The following TTC17 variants were observed in gnomAD, a reference collection of about 807,000 sequenced individuals.
TTC17 encodes tetratricopeptide repeat domain 17.
A neutral mutation model predicts 143.8 loss-of-function variants in TTC17; 58 were observed. The ratio of observed to expected loss-of-function variants is 0.40; its 90% CI spans 0.33 to 0.50. The LOEUF is 0.50. Among genes scored for constraint, TTC17 ranks in the 20% least tolerant of loss-of-function variants. TTC17 has a pLI of 0.49. For synonymous variants in TTC17, 501 were observed against 497.8 expected, an observed-to-expected ratio of 1.01 and a Z score of -0.09; for missense variants, 1,273 against 1,392.5, an observed-to-expected ratio of 0.91 and a Z score of 1.37.
rs189926285 is a variant in TTC17 at position 43,482,870 on chromosome 11, A to G, written c.3031-7369A>G. Among the ~76,000 whole-genome samples, 10 of 152,280 alleles carry G rather than the reference A, an allele frequency of 6.6e-5. No individual in the cohort carries two copies. The East Asian group carries it at 1.3e-3, about 21-fold the overall frequency. On this transcript the variant is annotated intron_variant, in intron 21 of 23. Transcript: ENST00000039989. ...GTTCTGTTACTAGATGTAGAAATCAATGAAATAGAAAACAAAGATATAATA... is the reference window on the plus strand; with the variant it reads ...GTTCTGTTACTAGATGTAGAAATCAGTGAAATAGAAAACAAAGATATAATA...
intron 2 of TTC17, among the ~76,000 whole-genome samples, chr11:43,381,884 A>T (rs935159684): frequency 6.6e-6 from 1 of 152,248 alleles, no homozygotes; most frequent in Non-Finnish European, 1.5e-5. Flanking sequence ...GATAAAGAAG[A>T]CTGAAGGAGG....
intron 1 of TTC17, among the ~76,000 whole-genome samples, chr11:43,371,541 T>C (rs1295130329): frequency 6.6e-6 from 1 of 152,066 alleles, no homozygotes; most frequent in Non-Finnish European, 1.5e-5. Context: ...TCCAGGAACT[T>C]CCACATGTTT....
intron 16 of TTC17, among the ~76,000 whole-genome samples, chr11:43,429,791 GGAT>G (rs1565161492): frequency 6.6e-6 from 1 of 152,182 alleles, no homozygotes; most frequent in East Asian, 1.9e-4. Context: ...TCTGTTAAAA[GGAT>G]GATGATGTCT....
intron 1 of TTC17, among the ~76,000 whole-genome samples, chr11:43,364,094 T>C (rs1856235203): frequency 7.1e-6 from 1 of 141,510 alleles, no homozygotes; most frequent in South Asian, 2.5e-4. Flanking sequence ...CTCACTCTTA[T>C]CACCCAGGCT....
intron 16 of TTC17, among the ~76,000 whole-genome samples, chr11:43,428,639 G>A (rs1947083447): frequency 6.6e-6 from 1 of 152,192 alleles, no homozygotes; most frequent in South Asian, 2.1e-4. Context: ...AGGGCATATG[G>A]GATGCAGGGG....
intron 10 of TTC17, 88 bp from the exon 11 acceptor site, chr11:43,403,910 T>A: frequency 8.5e-7 from 1 of 1,170,694 alleles, no homozygotes; most frequent in Non-Finnish European, 1.2e-6. Context: ...ATTTTGAATA[T>A]TCACTCGCTT....
At chr11:43,392,381 T>TC (rs1768212668) in intron 5 of TTC17, among the ~76,000 whole-genome samples, 1 of 152,158 alleles carries the variant, frequency 6.6e-6, no homozygotes, top group African/African-American at 2.4e-5. Flanking sequence ...ACTATCTACT[T>TC]TAAAAAAAAT....
At chr11:43,441,937 A>C (rs1158644422) in intron 16 of TTC17, among the ~76,000 whole-genome samples, 1 of 152,196 alleles carries the variant, frequency 6.6e-6, no homozygotes, top group Non-Finnish European at 1.5e-5. Context: ...GTGTTGCTTA[A>C]CGACAGGGAT....
At chr11:43,474,853 A>T (rs1948156181) in intron 21 of TTC17, among the ~76,000 whole-genome samples, 1 of 105,984 alleles carries the variant, frequency 9.4e-6, no homozygotes, top group South Asian at 2.4e-4. Flanking sequence ...AAATGTTAAG[A>T]AAATCACAAG....
chr11:43,414,465 G>T, intron 15 of TTC17, 125 bp from the exon 16 acceptor site: 1 of 925,058 alleles, frequency 1.1e-6, no homozygotes, highest in South Asian at 1.8e-5. Context: ...TGAATAAAAT[G>T]GATAGTTAGC....
intron 1 of TTC17, among the ~76,000 whole-genome samples, chr11:43,360,558 G>A (rs889139647): frequency 6.6e-6 from 1 of 152,046 alleles, no homozygotes; most frequent in African/African-American, 2.4e-5. Context: ...TATTGTTTTT[G>A]GCCACAGCTA....
At position 43,482,986 on chromosome 11, in the gene TTC17, T is replaced by G. The variant is rs181357568; in HGVS notation, c.3031-7253T>G. Among the ~76,000 whole-genome samples the G allele has an allele frequency of 2.0e-3, 307 of 152,168 alleles. 3 individuals are homozygous for G. The highest frequency in any genetic ancestry group is 7.2e-3 in the African/African-American group (298 of 41,544). Reference sequence around the variant, plus strand: ...TAAGATAAAAAGAAAGTACAAATTCTCAATATCAAGAAAAAGGGCAAAACA... The same window carrying G: ...TAAGATAAAAAGAAAGTACAAATTCGCAATATCAAGAAAAAGGGCAAAACA... On this transcript the variant is annotated intron_variant, in intron 21 of 23. Coordinates refer to ENST00000039989, the MANE Select transcript of TTC17 (RefSeq NM_018259.6).
At chr11:43,369,362 C>A (rs1037037799) in intron 1 of TTC17, among the ~76,000 whole-genome samples, 1 of 152,146 alleles carries the variant, frequency 6.6e-6, no homozygotes, top group African/African-American at 2.4e-5. Context: ...CTGTGCAATA[C>A]GTGTCCCTTA....
At chr11:43,443,276 G>C (rs1947462224) in intron 16 of TTC17, 49 bp from the exon 17 acceptor site, 4 of 1,593,580 alleles carry the variant, frequency 2.5e-6, no homozygotes, top group Non-Finnish European at 3.4e-6. Flanking sequence ...CCAAGGTCTT[G>C]AATGAGTACT....
intron 18 of TTC17, chr11:43,445,882 T>G (rs1489633543): frequency 4.7e-6 from 4 of 853,436 alleles, no homozygotes; most frequent in Non-Finnish European, 7.6e-6. Flanking sequence ...GTAGATTTTC[T>G]AAGAACTAAT....
intron 21 of TTC17, among the ~76,000 whole-genome samples, chr11:43,465,017 G>A (rs977043467): frequency 6.6e-6 from 1 of 152,184 alleles, no homozygotes; most frequent in African/African-American, 2.4e-5. Flanking sequence ...CCAGCAGTGA[G>A]GACAAGAGGC....
intron 1 of TTC17, among the ~76,000 whole-genome samples, chr11:43,364,088 C>T (rs1369987167): frequency 3.9e-5 from 5 of 129,696 alleles, no homozygotes; most frequent in Admixed American, 8.9e-5. Flanking sequence ...CGGAGTCTCA[C>T]TCTTATCACC....
At chr11:43,445,808 TA>T in intron 18 of TTC17, 1 of 630,998 alleles carries the variant, frequency 1.6e-6, no homozygotes. Context: ...AACCAAGTTA[TA>T]AAGCAAAGTA....
At chr11:43,405,464 T>G in intron 11 of TTC17, 50 bp from the exon 12 acceptor site, 1 of 1,349,686 alleles carries the variant, frequency 7.4e-7, no homozygotes, top group Non-Finnish European at 1.1e-6. Flanking sequence ...TTTAGCATAT[T>G]GAAATATTGA....
Sources: allele counts gnomAD v4.1 joint callset (sites outside exome capture counted in the v4.1 genomes callset), GRCh38; gene constraint gnomAD v4.1.1; transcripts MANE v1.5; gene names NCBI Gene and HGNC (gene_info 2026-07-23, HGNC 2026-07-21).